The following MAD1L1 variants were observed in gnomAD, a reference collection of about 807,000 sequenced individuals.
MAD1L1 encodes the protein mitotic arrest deficient 1 like 1.
Under a neutral mutation model 96.9 loss-of-function variants are expected in MAD1L1, and 95 were observed. The observed-to-expected ratio is 0.98, with a 90% CI of 0.83 to 1.16. The LOEUF (loss-of-function observed/expected upper bound fraction) is 1.16. MAD1L1 is among the 50% of genes most tolerant of loss of function. The pLI, the probability that MAD1L1 is intolerant of heterozygous loss-of-function variation, is 0.00. For missense variants in MAD1L1, 1,007 were observed against 954.4 expected, an observed-to-expected ratio of 1.06 and a Z score of -0.73; for synonymous variants, 473 against 396.6, an observed-to-expected ratio of 1.19 and a Z score of -2.29.
At chr7:1,973,905 C>G (rs1181227366) in intron 15 of MAD1L1, among the ~76,000 whole-genome samples, 1 of 152,232 alleles carries the variant, frequency 6.6e-6, no homozygotes, top group Non-Finnish European at 1.5e-5. Context: ...CTGCCCAGCA[C>G]AGACACAGGA....
At chr7:1,996,862 T>C (rs1298561869) in intron 14 of MAD1L1, among the ~76,000 whole-genome samples, 2 of 77,556 alleles carry the variant, frequency 2.6e-5, no homozygotes, top group Non-Finnish European at 6.4e-5. Context: ...TTAGAGGATA[T>C]TTTAGAGCTG....
intron 18 of MAD1L1, among the ~76,000 whole-genome samples, chr7:1,887,919 CT>C (rs1562492098): frequency 5.9e-4 from 13 of 22,196 alleles, no homozygotes; most frequent in African/African-American, 2.7e-3. Flanking sequence ...GCATGCATGG[CT>C]GCGGCTGCCT....
At chr7:2,212,708 T>C (rs1793039726) in intron 10 of MAD1L1, among the ~76,000 whole-genome samples, 2 of 152,220 alleles carry the variant, frequency 1.3e-5, no homozygotes, top group Non-Finnish European at 2.9e-5. Flanking sequence ...CCATGCTTCC[T>C]GTACAGCTGC....
chr7:1,900,660 C>G (rs763011832), intron 17 of MAD1L1, among the ~76,000 whole-genome samples: 2 of 152,184 alleles, frequency 1.3e-5, no homozygotes, highest in South Asian at 4.1e-4. Context: ...CAAGGAAGAA[C>G]GCAGAGACCA....
rs190973539 is a variant in MAD1L1, at chr7:2,095,272, T to C, written c.1074-25934A>G. On this transcript the variant is annotated intron_variant, in intron 11 of 18. Coordinates refer to ENST00000265854, the MANE Select transcript of MAD1L1 (RefSeq NM_001013836.2). ...TGTTAGCCGGGATGGTCTCGATCTC[T>C]TGACCTCGTGATCCACCCGCCTCGG... Among the ~76,000 whole-genome samples, 233 of 152,240 alleles carry C rather than the reference T, an allele frequency of 1.5e-3. 5 individuals are homozygous for C. Among genetic ancestry groups the C allele is most frequent in the Admixed American group, 3.1e-3 (47 of 15,296 alleles).
chr7:1,893,097 A>G (rs1412438836), intron 18 of MAD1L1, among the ~76,000 whole-genome samples: 1 of 151,984 alleles, frequency 6.6e-6, no homozygotes, highest in Non-Finnish European at 1.5e-5. Flanking sequence ...AGCTCTAGGG[A>G]CTCTGGAATC....
intron 1 of MAD1L1, among the ~76,000 whole-genome samples, chr7:2,232,454 G>A (rs1238781762): frequency 1.3e-5 from 2 of 152,222 alleles, no homozygotes; most frequent in African/African-American, 2.4e-5. Flanking sequence ...AGCCCCTGCA[G>A]CCCCGACTTC....
chr7:1,995,631 A>G (rs946794200), intron 14 of MAD1L1, among the ~76,000 whole-genome samples: 3 of 152,186 alleles, frequency 2.0e-5, no homozygotes, highest in Non-Finnish European at 4.4e-5. Context: ...ACTTTGAGCC[A>G]TTCCCCAGAC....
chr7:2,210,258 C>T (rs773880784), intron 10 of MAD1L1, among the ~76,000 whole-genome samples: 7 of 152,094 alleles, frequency 4.6e-5, no homozygotes, highest in Admixed American at 6.5e-5. Context: ...TTGGTACACA[C>T]GGGGTCTCAA....
intron 10 of MAD1L1, among the ~76,000 whole-genome samples, chr7:2,183,808 C>T (rs538730140): frequency 4.9e-4 from 75 of 151,864 alleles, no homozygotes; most frequent in African/African-American, 1.5e-3. Context: ...TGCTAAATGA[C>T]GAGTTAATCG....
Position 1,857,006 on chromosome 7 carries a change from C to T in MAD1L1, c.1999-40778G>A, listed in dbSNP as rs1444230550. On this transcript the variant is annotated intron_variant, in intron 18 of 18. Transcript: ENST00000265854. ...TGACTGTGCTGGACCCTGCTGGTCA[C>T]GCCTCCTGCCAACCCTCCAGCAGCA... Among the ~76,000 whole-genome samples, 10 of 151,220 alleles carry T rather than the reference C, an allele frequency of 6.6e-5. No individual in the cohort carries two copies. The East Asian group carries it at 9.7e-4, about 15-fold the overall frequency.
At chr7:2,127,290 G>C (rs1224537381) in intron 11 of MAD1L1, among the ~76,000 whole-genome samples, 1 of 152,160 alleles carries the variant, frequency 6.6e-6, no homozygotes, top group South Asian at 2.1e-4. Flanking sequence ...GATCAGAGGG[G>C]CACAAAGGAG....
At chr7:2,229,198 ACCG>A (rs1794069452) in intron 3 of MAD1L1, among the ~76,000 whole-genome samples, 1 of 152,170 alleles carries the variant, frequency 6.6e-6, no homozygotes, top group South Asian at 2.1e-4. Context: ...GGCTCTGGGG[ACCG>A]CAGCAGGGAC....
In MAD1L1 at chr7:2,114,549, G is replaced by A. The variant is rs1210207613; in HGVS notation, c.1073+34603C>T. The stretch of plus-strand genomic sequence containing the variant: ...GCAGCAAGGCCCAAGCCGACGTCAC[G>A]TGGCAGAAGGATCTTCATGAAGATG... On this transcript the variant is annotated intron_variant, in intron 11 of 18. Transcript: ENST00000265854. The surrounding 1 kb of genome is among the most constrained non-coding windows in gnomAD (Gnocchi z 4.2). Among the ~76,000 whole-genome samples the A allele has an allele frequency of 5.2e-5, 8 of 152,388 alleles. No individual in the cohort carries two copies. Among genetic ancestry groups the A allele is most frequent in the Middle Eastern group, 3.4e-3 (1 of 294 alleles).
intron 12 of MAD1L1, among the ~76,000 whole-genome samples, chr7:2,060,964 G>C (rs776176312): frequency 6.6e-6 from 1 of 152,190 alleles, no homozygotes; most frequent in Non-Finnish European, 1.5e-5. Flanking sequence ...GCTACGAGAA[G>C]ATAACTAAAT....
intron 11 of MAD1L1, among the ~76,000 whole-genome samples, chr7:2,133,211 AT>A (rs1172461688): frequency 2.0e-5 from 3 of 148,836 alleles, no homozygotes; most frequent in Admixed American, 6.7e-5. Flanking sequence ...GAGCTCACCC[AT>A]TTTCAATGCT....
Position 1,815,938 on chromosome 7 carries a change from T to C in MAD1L1, c.*132A>G, listed in dbSNP as rs567511825. The C allele has an allele frequency of 5.5e-6, 6 of 1,097,336 alleles. No homozygotes were observed. The East Asian group carries it at 1.6e-4, about 29-fold the overall frequency. 68.0% of individuals were successfully genotyped at this position (1,097,336 alleles called of 1,614,324 possible). ...AGGAAGCCCGACGTAGGTCCCAGCG[T>C]GTCTGTCAGTCATGCTGCTGCCCTG... On this transcript the variant is annotated 3_prime_UTR_variant, in exon 19 of 19. Coordinates refer to ENST00000265854, the MANE Select transcript of MAD1L1 (RefSeq NM_001013836.2).
At chr7:1,967,774 T>C (rs1780229223) in intron 15 of MAD1L1, among the ~76,000 whole-genome samples, 1 of 151,988 alleles carries the variant, frequency 6.6e-6, no homozygotes, top group African/African-American at 2.4e-5. Context: ...CGCGGGGAGA[T>C]CACGCAGCGA....
At chr7:2,055,445 A>T (rs1485293610) in intron 12 of MAD1L1, among the ~76,000 whole-genome samples, 1 of 152,146 alleles carries the variant, frequency 6.6e-6, no homozygotes, top group Non-Finnish European at 1.5e-5. Context: ...CCGGTGAGAC[A>T]TGGGGACCGC....
Sources: gnomAD v4.1 joint callset for allele counts (sites outside exome capture counted in the v4.1 genomes callset) on GRCh38, gnomAD v4.1.1 for gene constraint, Gnocchi (gnomAD v3.1) non-coding constraint, MANE v1.5 for transcripts, NCBI Gene and HGNC (gene_info 2026-07-23, HGNC 2026-07-21) for gene names.